PRSS23: variants seen among roughly 807,000 people sequenced by gnomAD.
PRSS23 encodes the protein serine protease 23, also known as protease, serine 23.
PRSS23 carries 25 observed loss-of-function variants against 34.7 expected under a neutral mutation model. That is an observed-to-expected ratio of 0.72 (90% CI 0.53 to 1.01). The LOEUF (loss-of-function observed/expected upper bound fraction) is 1.01. Among genes scored for constraint, PRSS23 ranks in the 50% least tolerant of loss-of-function variants. The probability of loss-of-function intolerance (pLI) is 0.00; values close to 1 mark genes in which losing one functional copy is unlikely to be tolerated. For synonymous variants in PRSS23, 176 were observed against 186.6 expected, an observed-to-expected ratio of 0.94 and a Z score of 0.46; for missense variants, 445 against 475.6, an observed-to-expected ratio of 0.94 and a Z score of 0.60.
chr11:86,847,286 G>T (rs997828640), intron 2 of PRSS23, among the ~76,000 whole-genome samples: 5 of 152,160 alleles, frequency 3.3e-5, no homozygotes, highest in Non-Finnish European at 5.9e-5. Flanking sequence ...CATAAAGTGG[G>T]CCTTAGCATT....
At chr11:86,837,092 T>C (rs1448525363) in intron 2 of PRSS23, 1 of 152,202 alleles carries the variant, frequency 6.6e-6, no homozygotes, top group African/African-American at 2.4e-5. Context: ...TCATCATATA[T>C]AACAAATTCA....
intron 2 of PRSS23, among the ~76,000 whole-genome samples, chr11:86,917,152 T>C (rs1949018532): frequency 2.0e-5 from 3 of 152,144 alleles, no homozygotes; most frequent in Admixed American, 2.0e-4. Flanking sequence ...AAACCCCATC[T>C]CTACTAAAAA....
At chr11:86,840,730 T>G (rs1044020737) in intron 2 of PRSS23, among the ~76,000 whole-genome samples, 36 of 152,140 alleles carry the variant, frequency 2.4e-4, no homozygotes, top group Admixed American at 2.4e-3. Context: ...CCTCAGCAAA[T>G]GTAAAAGAAC....
Position 86,904,177 on chromosome 11 carries a change from C to T in PRSS23, c.207-47039C>T, listed in dbSNP as rs547810831. Reference sequence around the variant, plus strand: ...GACTTCTGTGCTCACTTAGCACTGGCCACTGTGGACCCAGGTTGAAGGAAT... The same window carrying T: ...GACTTCTGTGCTCACTTAGCACTGGTCACTGTGGACCCAGGTTGAAGGAAT... On this transcript the variant is annotated intron_variant, in intron 2 of 2. Transcript: ENST00000533902. Among the ~76,000 whole-genome samples the T allele has an allele frequency of 5.0e-4, 76 of 152,234 alleles. 1 individual carries two copies. The highest frequency in any genetic ancestry group is 3.4e-3 in the Middle Eastern group (1 of 294).
chr11:86,874,848 T>C (rs978366231), intron 2 of PRSS23, among the ~76,000 whole-genome samples: 2 of 152,072 alleles, frequency 1.3e-5, no homozygotes, highest in Admixed American at 1.3e-4. Flanking sequence ...AAGGGCTGAG[T>C]CATCTGGAGG....
At chr11:86,932,986 C>T (rs1050571400) in intron 2 of PRSS23, 15 of 152,236 alleles carry the variant, frequency 9.9e-5, no homozygotes, top group African/African-American at 3.6e-4. Context: ...ACACACAACC[C>T]TGGCACAATC....
At chr11:86,823,963 G>A (rs1295638143) in intron 2 of PRSS23, among the ~76,000 whole-genome samples, 1 of 114,856 alleles carries the variant, frequency 8.7e-6, no homozygotes, top group African/African-American at 3.4e-5. Context: ...CCGAGATCGC[G>A]CCACTGCAGT....
chr11:86,866,252 C>T (rs1186128344), intron 2 of PRSS23, among the ~76,000 whole-genome samples: 1 of 152,180 alleles, frequency 6.6e-6, no homozygotes, highest in Non-Finnish European at 1.5e-5. Flanking sequence ...GCTGCCAATA[C>T]GACCACCACC....
At chr11:86,827,491 C>A (rs1279659750) in intron 2 of PRSS23, among the ~76,000 whole-genome samples, 3 of 152,166 alleles carry the variant, frequency 2.0e-5, no homozygotes, top group African/African-American at 4.8e-5. Context: ...GTCTCTATTT[C>A]CTTCAATTCT....
At chr11:86,884,207 C>A (rs1192312986) in intron 2 of PRSS23, among the ~76,000 whole-genome samples, 1 of 152,206 alleles carries the variant, frequency 6.6e-6, no homozygotes, top group African/African-American at 2.4e-5. Context: ...CTCTCCTTGA[C>A]TGTTACATCT....
intron 2 of PRSS23, among the ~76,000 whole-genome samples, chr11:86,914,643 A>C (rs1816719289): frequency 6.6e-6 from 1 of 152,230 alleles, no homozygotes; most frequent in Non-Finnish European, 1.5e-5. Context: ...TAACAGAAAT[A>C]AACAGTTGGA....
intron 1 of PRSS23, among the ~76,000 whole-genome samples, chr11:86,816,933 T>C (rs1948218673): frequency 6.6e-6 from 1 of 152,228 alleles, no homozygotes; most frequent in African/African-American, 2.4e-5. Context: ...TGTAAAATCC[T>C]ATGAAGATTC....
At chr11:86,800,292 A>T, upstream of PRSS23, 1 of 231,836 alleles carries the variant, frequency 4.3e-6, no homozygotes, top group Non-Finnish European at 7.1e-6. Flanking sequence ...TGGCGCCGAG[A>T]GGCCCGGACT....
intron 2 of PRSS23, among the ~76,000 whole-genome samples, chr11:86,858,492 T>C (rs1948588992): frequency 6.6e-6 from 1 of 151,782 alleles, no homozygotes; most frequent in African/African-American, 2.4e-5. Context: ...TCTCAGGGGG[T>C]GTACACCGCC....
At position 86,808,271 on chromosome 11, in the gene PRSS23, A is replaced by G. The variant is rs200938740; in HGVS notation, c.628A>G (p.Thr210Ala). The G allele has an allele frequency of 1.2e-6, 2 of 1,614,096 alleles. No individual in the cohort carries two copies. The highest frequency in any genetic ancestry group is 2.2e-5 in the East Asian group (1 of 44,870). The change falls in exon 2 of 2, where the codon ACT becomes GCT. Residue 210 changes from threonine to alanine, a missense_variant. By Grantham distance (58) the Thr-to-Ala change is moderately conservative (BLOSUM62 0). Transcript: ENST00000280258. ...KDGGRGANDS[T>A]SAMPEQMKFQ... ...TGGTGGTCGAGGGGCCAACGACTCC[A>G]CTTCAGCCATGCCCGAGCAGATGAA...
upstream of PRSS23, among the ~76,000 whole-genome samples, chr11:86,798,972 G>C (rs753795123): frequency 7.3e-4 from 111 of 152,178 alleles, no homozygotes; most frequent in Non-Finnish European, 4.3e-4. Flanking sequence ...TACGATTACA[G>C]GCGTGAGCCA....
chr11:86,833,448 C>G (rs1948376956), intron 2 of PRSS23: 2 of 515,742 alleles, frequency 3.9e-6, no homozygotes, highest in Admixed American at 2.4e-5. Context: ...CTGTTAGATT[C>G]TGTGGGTCTG....
intron 2 of PRSS23, among the ~76,000 whole-genome samples, chr11:86,827,710 T>C (rs1948314603): frequency 6.6e-6 from 1 of 152,200 alleles, no homozygotes; most frequent in South Asian, 2.1e-4. Context: ...TTCTCGTTGG[T>C]TTCAAAGAAC....
intron 1 of PRSS23, among the ~76,000 whole-genome samples, chr11:86,816,258 C>G (rs1684415717): frequency 6.6e-6 from 1 of 152,166 alleles, no homozygotes; most frequent in Non-Finnish European, 1.5e-5. Flanking sequence ...TCAAGCCCAC[C>G]TCGGTGCCAG....
Sources: gnomAD v4.1 joint callset for allele counts (sites outside exome capture counted in the v4.1 genomes callset) on GRCh38, gnomAD v4.1.1 for gene constraint, MANE v1.5 for transcripts, NCBI Gene and HGNC (gene_info 2026-07-23, HGNC 2026-07-21) for gene names.